The following DDX10 variants were observed in gnomAD, a reference collection of about 807,000 sequenced individuals.
DDX10 encodes DEAD-box helicase 10.
A neutral mutation model predicts 104.3 loss-of-function variants in DDX10; 74 were observed. The observed-to-expected ratio is 0.71, with a 90% confidence interval of 0.59 to 0.86. The LOEUF (loss-of-function observed/expected upper bound fraction) is 0.86. Ranked by LOEUF, DDX10 falls within the 40% of genes least tolerant of loss-of-function variation. The pLI, the probability that DDX10 is intolerant of heterozygous loss-of-function variation, is 0.00. For missense variants in DDX10, 952 were observed against 1,040.0 expected, an observed-to-expected ratio of 0.92 and a Z score of 1.16; for synonymous variants, 351 against 353.4, an observed-to-expected ratio of 0.99 and a Z score of 0.08.
intron 17 of DDX10, among the ~76,000 whole-genome samples, chr11:108,925,230 C>T (rs542215946): frequency 2.6e-5 from 4 of 152,136 alleles, no homozygotes; most frequent in Non-Finnish European, 4.4e-5. Flanking sequence ...ATGTTATTTT[C>T]TGGGGTGAGG....
chr11:108,806,411 T>G (rs993449616), intron 13 of DDX10, among the ~76,000 whole-genome samples: 9 of 152,220 alleles, frequency 5.9e-5, no homozygotes, highest in African/African-American at 2.2e-4. Context: ...ATACTCTGTT[T>G]GGTATGTAGG....
intron 16 of DDX10, among the ~76,000 whole-genome samples, chr11:108,880,296 A>G (rs550752138): frequency 1.3e-5 from 2 of 152,242 alleles, no homozygotes; most frequent in Admixed American, 6.5e-5. Flanking sequence ...TACTAAACCT[A>G]TTGGATTAGG....
intron 13 of DDX10, among the ~76,000 whole-genome samples, chr11:108,735,859 T>C (rs1471750320): frequency 6.6e-6 from 1 of 152,108 alleles, no homozygotes; most frequent in Non-Finnish European, 1.5e-5. Flanking sequence ...GGTTGATTGG[T>C]TAGAGCAGTG....
At chr11:108,891,671 T>C (rs1239808149) in intron 16 of DDX10, among the ~76,000 whole-genome samples, 1 of 152,180 alleles carries the variant, frequency 6.6e-6, no homozygotes, top group African/African-American at 2.4e-5. Flanking sequence ...TTACATATTG[T>C]GGTTCAGGAA....
intron 16 of DDX10, among the ~76,000 whole-genome samples, chr11:108,886,721 A>G (rs1335842363): frequency 6.6e-6 from 1 of 152,222 alleles, no homozygotes; most frequent in Non-Finnish European, 1.5e-5. Context: ...TCTTCAAGAC[A>G]AACAAGCATT....
In DDX10 at chr11:108,832,289, T is replaced by C. The variant is rs569231071; in HGVS notation, c.1966-6157T>C. On this transcript the variant is annotated intron_variant, in intron 13 of 17. Coordinates refer to ENST00000322536, the MANE Select transcript of DDX10 (RefSeq NM_004398.4). ...TTTAAAAATCTTCTAGTTGGAAAACTAAAGTTTGGTACACACCCAGAAAAC... is the reference window on the plus strand; with the variant it reads ...TTTAAAAATCTTCTAGTTGGAAAACCAAAGTTTGGTACACACCCAGAAAAC... Among the ~76,000 whole-genome samples the C allele has an allele frequency of 1.6e-4, 24 of 152,290 alleles. 1 individual carries two copies. In the East Asian group the frequency reaches 4.6e-3, roughly 29 times the overall value.
At chr11:108,923,968 A>G (rs1037749875) in intron 17 of DDX10, among the ~76,000 whole-genome samples, 1 of 152,098 alleles carries the variant, frequency 6.6e-6, no homozygotes, top group Non-Finnish European at 1.5e-5. Context: ...ATTGTTTCTT[A>G]TAGCTGTGCT....
chr11:108,736,153 TC>T (rs147570541), intron 13 of DDX10, among the ~76,000 whole-genome samples: 3 of 109,582 alleles, frequency 2.7e-5, no homozygotes, highest in Non-Finnish European at 6.6e-5. Flanking sequence ...CTTCCCTAGT[TC>T]TTTTTTTTTT....
intron 16 of DDX10, among the ~76,000 whole-genome samples, chr11:108,872,434 T>G (rs1392715523): frequency 1.3e-5 from 2 of 152,208 alleles, no homozygotes; most frequent in Non-Finnish European, 2.9e-5. Context: ...CCCTTGAAAT[T>G]AGCACTTATG....
chr11:108,896,350 A>T (rs1403037499), intron 16 of DDX10, among the ~76,000 whole-genome samples: 1 of 43,278 alleles, frequency 2.3e-5, no homozygotes, highest in Non-Finnish European at 5.0e-5. Flanking sequence ...TTAGTCCTTC[A>T]CATATTTTTT....
At chr11:108,823,709 G>A (rs999836066) in intron 13 of DDX10, among the ~76,000 whole-genome samples, 1 of 152,086 alleles carries the variant, frequency 6.6e-6, no homozygotes, top group Admixed American at 6.6e-5. Context: ...GTGTTATATG[G>A]CATTTGTTTG....
intron 12 of DDX10, among the ~76,000 whole-genome samples, 162 bp downstream of exon 12, chr11:108,720,047 C>T (rs971090254): frequency 1.3e-5 from 2 of 152,176 alleles, no homozygotes; most frequent in African/African-American, 4.8e-5. Flanking sequence ...GGACTACAGG[C>T]GTAAGCCACC....
intron 16 of DDX10, among the ~76,000 whole-genome samples, chr11:108,892,117 C>T (rs554956201): frequency 2.0e-5 from 3 of 152,152 alleles, no homozygotes; most frequent in Non-Finnish European, 2.9e-5. Context: ...GAAATTTGAT[C>T]GCCCCCGAGT....
chr11:108,827,236 A>G (rs1862407781), intron 13 of DDX10, among the ~76,000 whole-genome samples: 1 of 152,210 alleles, frequency 6.6e-6, no homozygotes, highest in Admixed American at 6.5e-5. Context: ...TCTGTCATAC[A>G]TTGGGGATAC....
intron 16 of DDX10, among the ~76,000 whole-genome samples, chr11:108,909,073 A>G (rs1863633646): frequency 6.6e-6 from 1 of 152,166 alleles, no homozygotes; most frequent in Non-Finnish European, 1.5e-5. Flanking sequence ...AGCACTTGGC[A>G]TTTATACTAA....
intron 13 of DDX10, among the ~76,000 whole-genome samples, chr11:108,745,108 CCCCTTCCCCTT>C (rs2094330003): frequency 8.5e-6 from 1 of 117,176 alleles, no homozygotes; most frequent in East Asian, 2.9e-4. Flanking sequence ...CCCTCCCCCT[CCCCTTCCCCTT>C]CCTCTTCCCC....
chr11:108,828,564 C>T (rs564972403), intron 13 of DDX10, among the ~76,000 whole-genome samples: 60 of 151,570 alleles, frequency 4.0e-4, no homozygotes, highest in African/African-American at 1.2e-3. Context: ...TTTTTGAGAC[C>T]GAAAAAAATA....
intron 13 of DDX10, among the ~76,000 whole-genome samples, chr11:108,779,572 ATACC>A (rs1303700496): frequency 6.6e-6 from 1 of 152,192 alleles, no homozygotes; most frequent in Non-Finnish European, 1.5e-5. Context: ...ATTAGGAGAT[ATACC>A]TAATGTAAAT....
intron 13 of DDX10, among the ~76,000 whole-genome samples, chr11:108,740,503 A>G (rs551456803): frequency 1.3e-5 from 2 of 152,274 alleles, no homozygotes; most frequent in South Asian, 2.1e-4. Context: ...TATATACCCA[A>G]TAATGGGATT....
Sources: gnomAD v4.1 joint callset for allele counts (sites outside exome capture counted in the v4.1 genomes callset) on GRCh38, gnomAD v4.1.1 for gene constraint, MANE v1.5 for transcripts, NCBI Gene and HGNC (gene_info 2026-07-23, HGNC 2026-07-21) for gene names.